Variants in FAP observed in about 807,000 individuals in gnomAD.
FAP encodes fibroblast activation protein alpha, also known as prolyl endopeptidase FAP.
FAP carries 110 observed loss-of-function variants against 126.5 expected under a neutral mutation model. The ratio of observed to expected loss-of-function variants is 0.87; its 90% CI spans 0.74 to 1.02. The LOEUF (loss-of-function observed/expected upper bound fraction) is 1.02, where lower values mean the gene tolerates loss of function less well. Among genes scored for constraint, FAP ranks in the 50% least tolerant of loss-of-function variants. The probability of loss-of-function intolerance (pLI) is 0.00; values close to 1 mark genes in which losing one functional copy is unlikely to be tolerated. For missense variants in FAP, 919 were observed against 909.2 expected, an observed-to-expected ratio of 1.01 and a Z score of -0.14; for synonymous variants, 334 against 297.3, an observed-to-expected ratio of 1.12 and a Z score of -1.27.
At position 162,207,378 on chromosome 2, in the gene FAP, A is replaced by G. The variant is rs188538230; in HGVS notation, c.1047+2574T>C. ...TTAGAAGTTTTACTGACTACTGAAT[A>G]CATGTTAAGAGATTGAGATTAGTAC... On this transcript the variant is annotated intron_variant, in intron 12 of 25. Coordinates refer to ENST00000188790, the MANE Select transcript of FAP (RefSeq NM_004460.5). Among the ~76,000 whole-genome samples the G allele has an allele frequency of 2.6e-5, 4 of 152,376 alleles. No homozygotes were observed. The East Asian group carries it at 7.7e-4, about 29-fold the overall frequency.
Position 162,170,775 on chromosome 2 carries a change from C to T in FAP, c.*204G>A. ...AGCAAAATGCATGACTCCCTTTTCT[C>T]TTCTTTCACAGAGTACCAGAAAATG... is the stretch of plus-strand genomic sequence containing the variant. On this transcript the variant is annotated 3_prime_UTR_variant, in exon 26 of 26. Transcript: ENST00000188790. The T allele has an allele frequency of 2.0e-6, 1 of 503,680 alleles. No homozygotes were observed. The highest frequency in any genetic ancestry group is 2.9e-5 in the South Asian group (1 of 34,158). 31.2% of individuals were successfully genotyped at this position (503,680 alleles called of 1,614,324 possible). A position where few individuals can be genotyped will look rare whatever the true frequency, so the allele number is the denominator to read the frequency against.
intron 6 of FAP, among the ~76,000 whole-genome samples, chr2:162,221,299 G>T (rs1380785335): frequency 6.6e-6 from 1 of 152,082 alleles, no homozygotes; most frequent in Non-Finnish European, 1.5e-5. Context: ...CAGCACTTTG[G>T]GCGGCGGATT....
At position 162,194,726 on chromosome 2, in the gene FAP, G is replaced by T; in HGVS notation, c.1425C>A (p.Thr475=). Reference sequence around the variant, plus strand: ...CTTGATCAGTGCGTCCATCATGAAGGGTGGAAATGGGGATGCCTGGGCCTG... The same window carrying T: ...CTTGATCAGTGCGTCCATCATGAAGTGTGGAAATGGGGATGCCTGGGCCTG... The part of the protein sequence containing the change: ...VCYGPGIPIS[T]LHDGRTDQEI... Residue 475 remains threonine (T), a synonymous_variant, in exon 17 of 26, where the codon ACC becomes ACA. Transcript: ENST00000188790. 3.1e-6 allele frequency: 5 copies of T among 1,613,638 alleles called. No individual in the cohort carries two copies. The highest frequency in any genetic ancestry group is 3.4e-6 in the Non-Finnish European group (4 of 1,179,688).
Position 162,188,259 on chromosome 2 carries a change from C to T in FAP, c.1724G>A (p.Arg575Gln), listed in dbSNP as rs777056175. 3.7e-6 allele frequency: 6 copies of T among 1,613,174 alleles called. No homozygotes were observed. The highest frequency in any genetic ancestry group is 1.3e-5 in the African/African-American group (1 of 74,816). Residue 575 changes from arginine (R) to glutamine (Q), a missense_variant, in exon 20 of 26, where the codon CGA becomes CAA. Arg to Gln is a conservative substitution (Grantham distance 43). Transcript: ENST00000188790. ...EGMVIALVDG[R>Q]GTAFQGDKLL... Reference sequence around the variant, plus strand: ...TTTGTCACCTTGGAAAGCTGTTCCTCGACCATCCACCAAGGCAATGACCAT... The same window carrying T: ...TTTGTCACCTTGGAAAGCTGTTCCTTGACCATCCACCAAGGCAATGACCAT...
At chr2:162,215,249 G>A (rs911414774) in intron 10 of FAP, among the ~76,000 whole-genome samples, 2 of 152,154 alleles carry the variant, frequency 1.3e-5, no homozygotes, top group East Asian at 1.9e-4. Flanking sequence ...AGATTGGCCC[G>A]CTAGGCATGG....
At chr2:162,175,594 C>T (rs1481890764) in intron 21 of FAP, 4 of 152,072 alleles carry the variant, frequency 2.6e-5, no homozygotes, top group African/African-American at 9.7e-5. Flanking sequence ...CTTTAAAAAC[C>T]TTATATTTCT....
chr2:162,203,296 C>A, intron 12 of FAP, 151 bp from the exon 13 acceptor site: 1 of 606,502 alleles, frequency 1.6e-6, no homozygotes, highest in Non-Finnish European at 2.9e-6. Flanking sequence ...TCTGAAATCC[C>A]ATTCTTTCAG....
intron 2 of FAP, among the ~76,000 whole-genome samples, chr2:162,228,180 A>T (rs931127135): frequency 8.5e-5 from 13 of 152,068 alleles, no homozygotes; most frequent in Non-Finnish European, 1.5e-4. Context: ...GGATGGCTGG[A>T]TGGCTGGTTG....
intron 2 of FAP, among the ~76,000 whole-genome samples, chr2:162,232,574 A>G (rs967229531): frequency 6.6e-6 from 1 of 152,218 alleles, no homozygotes; most frequent in African/African-American, 2.4e-5. Flanking sequence ...ATAGGTTGCT[A>G]GCTATTATAA....
At chr2:162,234,787 G>T (rs546880907) in intron 2 of FAP, among the ~76,000 whole-genome samples, 1 of 152,298 alleles carries the variant, frequency 6.6e-6, no homozygotes, top group African/African-American at 2.4e-5. Flanking sequence ...GCCCGCCGCT[G>T]CACCGTAGGA....
intron 25 of FAP, 186 bp from the exon 26 acceptor site, chr2:162,171,266 A>G (rs1204252734): frequency 1.7e-5 from 9 of 533,442 alleles, no homozygotes; most frequent in Non-Finnish European, 3.0e-5. Flanking sequence ...GTTAACCTCC[A>G]CTACTGTTTC....
intron 15 of FAP, 85 bp from the exon 16 acceptor site, chr2:162,198,966 T>C (rs1688380371): frequency 8.4e-7 from 1 of 1,183,432 alleles, no homozygotes; most frequent in Admixed American, 2.0e-5. Flanking sequence ...GTGACTAATT[T>C]ACATATTGAC....
chr2:162,195,245 C>G (rs181602195), intron 16 of FAP, among the ~76,000 whole-genome samples: 4 of 152,136 alleles, frequency 2.6e-5, no homozygotes, highest in Admixed American at 2.6e-4. Context: ...GATATACTTC[C>G]TTTTAAAATA....
At chr2:162,172,569 A>C (rs1687347575) in intron 25 of FAP, 1 of 426,692 alleles carries the variant, frequency 2.3e-6, no homozygotes, top group South Asian at 4.1e-5. Context: ...AAGATCATTT[A>C]ATCTTGTGAA....
chr2:162,215,172 C>G (rs2106268789), intron 10 of FAP, among the ~76,000 whole-genome samples: 1 of 152,308 alleles, frequency 6.6e-6, no homozygotes, highest in East Asian at 1.9e-4. Flanking sequence ...TCATGGGGTT[C>G]TTTTCCCTAT....
chr2:162,219,969 A>G (rs1171354726), intron 6 of FAP, 44 bp from the exon 7 acceptor site: 16 of 1,290,606 alleles, frequency 1.2e-5, no homozygotes, highest in Non-Finnish European at 1.7e-5. Context: ...CTTGCTGTTT[A>G]ATGCAAAAAA....
At chr2:162,221,530 A>AT (rs1462715909) in intron 6 of FAP, 23 of 366,090 alleles carry the variant, frequency 6.3e-5, no homozygotes, top group African/African-American at 4.5e-4. Flanking sequence ...GTCTCAAAAA[A>AT]AAAAATAAGA....
At chr2:162,226,016 T>C (rs1689631652) in intron 3 of FAP, among the ~76,000 whole-genome samples, 1 of 152,182 alleles carries the variant, frequency 6.6e-6, no homozygotes, top group Non-Finnish European at 1.5e-5. Flanking sequence ...CTTAAGATAC[T>C]CAACTAAAAT....
chr2:162,189,737 C>A lies in FAP; in HGVS notation c.1468G>T (p.Glu490Ter). ...RTDQEIKILE[E>*]NKELENALKN... ...AAAGCATTTTCCAATTCCTTGTTTT[C>A]TTCCAGGATTTTAATTTCTGAAAAA... Residue 490 changes from glutamate to a stop codon, truncating the protein, a stop_gained, in exon 18 of 26, where the codon GAA becomes TAA. Coordinates refer to ENST00000188790, the MANE Select transcript of FAP (RefSeq NM_004460.5). LOFTEE classifies it high-confidence loss of function. The A allele has an allele frequency of 6.4e-7, 1 of 1,573,150 alleles. No individual in the cohort carries two copies. Among genetic ancestry groups the A allele is most frequent in the Non-Finnish European group, 8.7e-7 (1 of 1,153,158 alleles).
Sources: gnomAD v4.1 joint callset for allele counts (sites outside exome capture counted in the v4.1 genomes callset) on GRCh38, gnomAD v4.1.1 for gene constraint, MANE v1.5 for transcripts, NCBI Gene and HGNC (gene_info 2026-07-23, HGNC 2026-07-21) for gene names.